The following NCALD variants were observed in gnomAD, a reference collection of about 807,000 sequenced individuals.
NCALD encodes neurocalcin delta, also known as neurocalcin-delta.
Under a neutral mutation model 18.6 loss-of-function variants are expected in NCALD, and 10 were observed. The ratio of observed to expected loss-of-function variants is 0.54; its 90% CI spans 0.33 to 0.91. NCALD has a LOEUF of 0.91. NCALD is among the 40% of genes least tolerant of loss of function. The pLI, the probability that NCALD is intolerant of heterozygous loss-of-function variation, is 0.03. For synonymous variants in NCALD, 88 were observed against 87.4 expected (o/e 1.01, Z -0.04); for missense variants, 184 against 247.6 (o/e 0.74, Z 1.72).
intron 1 of NCALD, among the ~76,000 whole-genome samples, chr8:101,762,346 T>C (rs1220504287): frequency 6.6e-6 from 1 of 152,158 alleles, no homozygotes; most frequent in Non-Finnish European, 1.5e-5. Flanking sequence ...GATAAAAGGG[T>C]TAACTGTAAG....
intron 1 of NCALD, among the ~76,000 whole-genome samples, chr8:101,784,557 G>A (rs1812146270): frequency 6.6e-6 from 1 of 152,140 alleles, no homozygotes; most frequent in African/African-American, 2.4e-5. Context: ...AGCCCTTTGG[G>A]AAGCCAAGGT....
chr8:102,062,683 G>C (rs774068226), intron 1 of NCALD, among the ~76,000 whole-genome samples: 1 of 152,218 alleles, frequency 6.6e-6, no homozygotes, highest in East Asian at 1.9e-4. Flanking sequence ...CAGGTTGACT[G>C]AGCTGGATTC....
At chr8:101,998,433 A>G (rs1821318549) in intron 2 of NCALD, among the ~76,000 whole-genome samples, 1 of 152,084 alleles carries the variant, frequency 6.6e-6, no homozygotes, top group Admixed American at 6.5e-5. Context: ...CTACACTGCC[A>G]TGACCCCTGG....
chr8:101,712,587 C>CA (rs201729096), intron 2 of NCALD, among the ~76,000 whole-genome samples: 18,863 of 73,864 alleles, frequency 0.26, 3,736 homozygotes, highest in Non-Finnish European at 0.37. Flanking sequence ...AAATGGAAAG[C>CA]AAAAAAAAAA....
intron 1 of NCALD, among the ~76,000 whole-genome samples, chr8:102,095,834 G>A (rs1181647497): frequency 6.6e-6 from 1 of 152,146 alleles, no homozygotes; most frequent in African/African-American, 2.4e-5. Flanking sequence ...GACAATAATT[G>A]TAACAATAGT....
chr8:101,834,511 TCAGAAGC>T (rs2131261870), intron 4 of NCALD, among the ~76,000 whole-genome samples: 1 of 152,302 alleles, frequency 6.6e-6, no homozygotes, highest in South Asian at 2.1e-4. Flanking sequence ...CTCATCCCAA[TCAGAAGC>T]CCATGCTGGC....
chr8:101,902,661 A>G (rs1365322947), intron 3 of NCALD, among the ~76,000 whole-genome samples: 1 of 152,190 alleles, frequency 6.6e-6, no homozygotes, highest in Non-Finnish European at 1.5e-5. Context: ...TGGCCTTTTC[A>G]ACGCCAGCCC....
chr8:101,833,028 C>T (rs778671043), intron 4 of NCALD, among the ~76,000 whole-genome samples: 7 of 152,192 alleles, frequency 4.6e-5, no homozygotes, highest in Admixed American at 6.5e-5. Flanking sequence ...CAGCCACACC[C>T]GGAGCCTGGA....
At chr8:102,007,538 C>T (rs917285988) in intron 2 of NCALD, among the ~76,000 whole-genome samples, 8 of 152,136 alleles carry the variant, frequency 5.3e-5, no homozygotes, top group African/African-American at 9.7e-5. Flanking sequence ...TGTTTGCTGA[C>T]GCTAAACTAC....
At position 101,965,713 on chromosome 8, in the gene NCALD, T is replaced by C. The variant is rs970730104; in HGVS notation, c.-156-49855A>G. 9.2e-5 allele frequency among the ~76,000 whole-genome samples: 14 copies of C among 151,824 alleles called. No homozygotes were observed. The South Asian group carries it at 1.0e-3, about 11-fold the overall frequency. On this transcript the variant is annotated intron_variant, in intron 2 of 6. Transcript: ENST00000311028. ...AACCACCATGGCATGCGTATACCTA[T>C]GTAACAAACCTGCATGTTCTGCACA...
At chr8:101,916,970 C>T (rs1446509014) in intron 2 of NCALD, among the ~76,000 whole-genome samples, 4 of 151,968 alleles carry the variant, frequency 2.6e-5, no homozygotes, top group Non-Finnish European at 4.4e-5. Flanking sequence ...AATATCTGGA[C>T]TTAAATTTGA....
intron 4 of NCALD, among the ~76,000 whole-genome samples, chr8:101,802,277 G>A (rs1036444338): frequency 6.6e-6 from 1 of 152,046 alleles, no homozygotes; most frequent in Non-Finnish European, 1.5e-5. Flanking sequence ...TGTGTGTTCT[G>A]ACTGCTCCAT....
intron 4 of NCALD, among the ~76,000 whole-genome samples, chr8:101,821,364 A>G (rs977068117): frequency 1.3e-5 from 2 of 152,310 alleles, no homozygotes; most frequent in East Asian, 1.9e-4. Context: ...ATTAACCAAC[A>G]TATTCTTACA....
intron 4 of NCALD, among the ~76,000 whole-genome samples, chr8:101,863,311 C>T (rs142366829): frequency 0.013 from 2,043 of 152,318 alleles, 23 homozygotes; most frequent in Non-Finnish European, 0.021. Flanking sequence ...CCACTCAATC[C>T]GGATCTTGGT....
At chr8:101,690,760 T>A in intron 3 of NCALD, 1 of 985,482 alleles carries the variant, frequency 1.0e-6, no homozygotes, top group Non-Finnish European at 1.2e-6. Context: ...GGCCATTTTT[T>A]ATGAGCCCAG....
intron 1 of NCALD, among the ~76,000 whole-genome samples, chr8:101,762,008 C>A (rs1251484138): frequency 6.6e-6 from 1 of 152,138 alleles, no homozygotes. Context: ...CCCCTAATGA[C>A]CTTGGGAGCA....
At chr8:101,770,613 C>CTG (rs1400543691) in intron 1 of NCALD, among the ~76,000 whole-genome samples, 1 of 152,152 alleles carries the variant, frequency 6.6e-6, no homozygotes, top group Non-Finnish European at 1.5e-5. Context: ...AGTGGCTTGT[C>CTG]TGTGTGTGCC....
intron 1 of NCALD, among the ~76,000 whole-genome samples, chr8:102,027,628 C>T (rs765229291): frequency 6.6e-6 from 1 of 152,142 alleles, no homozygotes. Flanking sequence ...AAAGTGGTTC[C>T]CTCATTTTTG....
intron 2 of NCALD, chr8:101,693,759 TGTA>T (rs1814857713): frequency 6.6e-6 from 1 of 152,188 alleles, no homozygotes; most frequent in Non-Finnish European, 1.5e-5. Context: ...TGTAACACTC[TGTA>T]AGTGCATGCC....
Sources: gnomAD v4.1 joint callset for allele counts (sites outside exome capture counted in the v4.1 genomes callset) on GRCh38, gnomAD v4.1.1 for gene constraint, MANE v1.5 for transcripts, NCBI Gene and HGNC (gene_info 2026-07-23, HGNC 2026-07-21) for gene names.